DOK6: variants seen among roughly 807,000 people sequenced by gnomAD.
DOK6 encodes docking protein 6, also known as downstream of tyrosine kinase 6.
A neutral mutation model predicts 44.0 loss-of-function variants in DOK6; 22 were observed. The ratio of observed to expected loss-of-function variants is 0.50; its 90% CI spans 0.36 to 0.71. The LOEUF (loss-of-function observed/expected upper bound fraction) is 0.71. Among genes scored for constraint, DOK6 ranks in the 30% least tolerant of loss-of-function variants. DOK6 has a pLI of 0.00. For missense variants in DOK6, 340 were observed against 416.4 expected (o/e 0.82, Z 1.60); for synonymous variants, 166 against 145.5 (o/e 1.14, Z -1.01).
chr18:69,793,880 C>T (rs17081623), intron 7 of DOK6, among the ~76,000 whole-genome samples: 18,941 of 151,818 alleles, frequency 0.12, 1,764 homozygotes, highest in African/African-American at 0.26. Flanking sequence ...GGACAAAAGC[C>T]CAATGGGATA....
At chr18:69,427,181 T>TCTCTCC (rs1192943191) in intron 1 of DOK6, among the ~76,000 whole-genome samples, 1 of 152,094 alleles carries the variant, frequency 6.6e-6, no homozygotes, top group Non-Finnish European at 1.5e-5. Flanking sequence ...GTGCTGTCTC[T>TCTCTCC]CTCTCCCTCT....
chr18:69,626,663 A>C (rs1342253549), intron 3 of DOK6, among the ~76,000 whole-genome samples: 1 of 152,240 alleles, frequency 6.6e-6, no homozygotes, highest in Non-Finnish European at 1.5e-5. Context: ...CAAAGGAAAA[A>C]TAAACTTTCT....
chr18:69,589,281 T>C (rs575423683), intron 2 of DOK6, among the ~76,000 whole-genome samples: 1 of 152,180 alleles, frequency 6.6e-6, no homozygotes, highest in East Asian at 1.9e-4. Context: ...AAAATAAATA[T>C]TTTCCATCCT....
In DOK6 at chr18:69,447,748, G is replaced by A. The variant is rs551845534; in HGVS notation, c.66+46438G>A. 5.3e-5 allele frequency among the ~76,000 whole-genome samples: 8 copies of A among 152,324 alleles called. No homozygotes were observed. In the East Asian group the frequency reaches 1.5e-3, roughly 29 times the overall value. On this transcript the variant is annotated intron_variant, in intron 1 of 7. Transcript: ENST00000382713. ...GAGGTTATTTTCTGCTTTTAACAGA[G>A]TATGTGTATAGCCCTGGGCATGTAA...
chr18:69,659,560 G>A lies in DOK6; in HGVS notation c.290-18174G>A, dbSNP rs149918784. Reference sequence around the variant, plus strand: ...TTACACAGGCTGAGATAAAGTCAAGGGCACTCGGGACATGAGCAAACAGGT... The same window carrying A: ...TTACACAGGCTGAGATAAAGTCAAGAGCACTCGGGACATGAGCAAACAGGT... On this transcript the variant is annotated intron_variant, in intron 3 of 7. Coordinates refer to ENST00000382713, the MANE Select transcript of DOK6 (RefSeq NM_152721.6). Among the ~76,000 whole-genome samples, 79 of 152,238 alleles carry A rather than the reference G, an allele frequency of 5.2e-4. 1 individual carries two copies. Among genetic ancestry groups the A allele is most frequent in the African/African-American group, 1.6e-3 (65 of 41,548 alleles).
chr18:69,594,421 T>C (rs1347123916), intron 2 of DOK6, among the ~76,000 whole-genome samples: 2 of 151,900 alleles, frequency 1.3e-5, no homozygotes, highest in African/African-American at 4.8e-5. Context: ...AAGATAATTT[T>C]AAATGAGATA....
intron 7 of DOK6, among the ~76,000 whole-genome samples, chr18:69,764,122 C>T (rs117071430): frequency 0.01 from 1,543 of 152,244 alleles, 11 homozygotes; most frequent in Non-Finnish European, 0.018. Context: ...TTTTCATGAA[C>T]ACAGGAAGGA....
intron 2 of DOK6, among the ~76,000 whole-genome samples, chr18:69,566,200 C>T (rs1461678398): frequency 2.0e-5 from 3 of 151,996 alleles, no homozygotes; most frequent in Non-Finnish European, 4.4e-5. Flanking sequence ...TGCAGTGGCG[C>T]GATCTCGGCT....
intron 1 of DOK6, among the ~76,000 whole-genome samples, chr18:69,457,953 G>T (rs1305332489): frequency 6.6e-6 from 1 of 152,154 alleles, no homozygotes; most frequent in African/African-American, 2.4e-5. Flanking sequence ...AGACCAGCCT[G>T]GCCAACATGG....
chr18:69,825,395 G>A (rs1308155786), intron 7 of DOK6, among the ~76,000 whole-genome samples: 1 of 142,230 alleles, frequency 7.0e-6, no homozygotes. Context: ...AAGAATCCAA[G>A]AACATTGCAA....
chr18:69,672,383 A>G (rs151042486), intron 3 of DOK6, among the ~76,000 whole-genome samples: 2,585 of 152,158 alleles, frequency 0.017, 87 homozygotes, highest in African/African-American at 0.059. Context: ...GTTTTGATGG[A>G]GTTTTGCTCT....
intron 1 of DOK6, among the ~76,000 whole-genome samples, chr18:69,521,255 T>C (rs1178366706): frequency 6.6e-6 from 1 of 151,916 alleles, no homozygotes; most frequent in Non-Finnish European, 1.5e-5. Flanking sequence ...TTAAGTAATA[T>C]ATACTTATTT....
intron 3 of DOK6, among the ~76,000 whole-genome samples, chr18:69,626,269 C>T (rs17081366): frequency 0.015 from 2,233 of 152,272 alleles, 42 homozygotes; most frequent in African/African-American, 0.051. Context: ...TGACACAATT[C>T]GCTGAACAAA....
chr18:69,563,372 T>A, intron 1 of DOK6, among the ~76,000 whole-genome samples: 1 of 152,254 alleles, frequency 6.6e-6, no homozygotes, highest in East Asian at 1.9e-4. Context: ...TGCAGCACTA[T>A]TCACAATAGC....
intron 1 of DOK6, among the ~76,000 whole-genome samples, chr18:69,513,440 T>C (rs1298140359): frequency 6.6e-6 from 1 of 152,234 alleles, no homozygotes; most frequent in Non-Finnish European, 1.5e-5. Flanking sequence ...TGCCATACTT[T>C]GCTTATGAGA....
At chr18:69,474,419 T>C (rs1980205198) in intron 1 of DOK6, among the ~76,000 whole-genome samples, 3 of 152,222 alleles carry the variant, frequency 2.0e-5, no homozygotes, top group African/African-American at 7.2e-5. Context: ...TTTTCAGTTA[T>C]GAGGCAAACT....
intron 2 of DOK6, among the ~76,000 whole-genome samples, chr18:69,596,836 T>C (rs957367786): frequency 1.2e-4 from 19 of 152,140 alleles, no homozygotes; most frequent in African/African-American, 4.3e-4. Flanking sequence ...AATACGTATA[T>C]AATGTACTTT....
chr18:69,538,672 C>CAACCTTG (rs56030064), intron 1 of DOK6, among the ~76,000 whole-genome samples: 2 of 152,284 alleles, frequency 1.3e-5, no homozygotes, highest in African/African-American at 2.4e-5. Flanking sequence ...TGTGAGCTAC[C>CAACCTTG]GCCTCCATTT....
intron 7 of DOK6, among the ~76,000 whole-genome samples, chr18:69,820,463 C>T (rs1303320409): frequency 6.6e-6 from 1 of 152,146 alleles, no homozygotes; most frequent in Non-Finnish European, 1.5e-5. Flanking sequence ...GGATCATCTC[C>T]ATAGGGTGCG....
Sources: allele counts gnomAD v4.1 joint callset (sites outside exome capture counted in the v4.1 genomes callset), GRCh38; gene constraint gnomAD v4.1.1; transcripts MANE v1.5; gene names NCBI Gene and HGNC (gene_info 2026-07-23, HGNC 2026-07-21).